Variants in IL17RA observed in about 807,000 individuals in gnomAD.
The protein encoded by IL17RA is interleukin-17 receptor A.
IL17RA carries 34 observed loss-of-function variants against 50.4 expected under a neutral mutation model. The observed-to-expected ratio is 0.67, with a 90% CI of 0.51 to 0.90. The LOEUF (loss-of-function observed/expected upper bound fraction) is 0.90. Ranked by LOEUF, IL17RA falls within the 40% of genes least tolerant of loss-of-function variation. The pLI is 0.00. For synonymous variants in IL17RA, 585 were observed against 510.4 expected (o/e 1.15, Z -1.97); for missense variants, 1,276 against 1,169.8 (o/e 1.09, Z -1.32).
At chr22:17,107,385 T>C (rs1328736207) in intron 11 of IL17RA, among the ~76,000 whole-genome samples, 1 of 152,218 alleles carries the variant, frequency 6.6e-6, no homozygotes, top group African/African-American at 2.4e-5. Context: ...GCTGGATCAG[T>C]GCTACAAAAT....
At chr22:17,087,354 G>A (rs1388729363) in intron 1 of IL17RA, among the ~76,000 whole-genome samples, 1 of 152,192 alleles carries the variant, frequency 6.6e-6, no homozygotes, top group East Asian at 1.9e-4. Context: ...GACTGGGTGA[G>A]CCTTCTCAAA....
intron 8 of IL17RA, 26 bp downstream of exon 8, chr22:17,103,603 G>A: frequency 6.3e-7 from 1 of 1,578,228 alleles, no homozygotes; most frequent in Admixed American, 1.7e-5. Flanking sequence ...GTGGACAGGT[G>A]CAGGGAGCAA....
chr22:17,099,410 C>G (rs1304900968), intron 4 of IL17RA, among the ~76,000 whole-genome samples: 1 of 152,078 alleles, frequency 6.6e-6, no homozygotes, highest in Non-Finnish European at 1.5e-5. Context: ...AGCAGTGGGT[C>G]TCAAAGTGTG....
Sources: allele counts gnomAD v4.1 joint callset (sites outside exome capture counted in the v4.1 genomes callset), GRCh38; gene constraint gnomAD v4.1.1; transcripts MANE v1.5; gene names NCBI Gene and HGNC (gene_info 2026-07-23, HGNC 2026-07-21).